Variants in TMEM161B observed in about 807,000 individuals in gnomAD.
TMEM161B encodes transmembrane protein 161B.
Under a neutral mutation model 61.8 loss-of-function variants are expected in TMEM161B, and 34 were observed. The ratio of observed to expected loss-of-function variants is 0.55; its 90% CI spans 0.42 to 0.73. The LOEUF (loss-of-function observed/expected upper bound fraction) is 0.73. Ranked by LOEUF, TMEM161B falls within the 30% of genes least tolerant of loss-of-function variation. The pLI is 0.00. For missense variants in TMEM161B, 456 were observed against 558.5 expected, an observed-to-expected ratio of 0.82 and a Z score of 1.85; for synonymous variants, 167 against 192.8, an observed-to-expected ratio of 0.87 and a Z score of 1.11.
downstream of TMEM161B, among the ~76,000 whole-genome samples, chr5:88,192,251 C>CA (rs887594212): frequency 6.6e-6 from 1 of 150,946 alleles, no homozygotes; most frequent in Non-Finnish European, 1.5e-5. Context: ...GAAAACAAAA[C>CA]AAAAAACAAT....
chr5:88,265,725 ACACTCCCCTC>A (rs1756289928), intron 1 of TMEM161B, among the ~76,000 whole-genome samples: 3 of 151,992 alleles, frequency 2.0e-5, no homozygotes, highest in Admixed American at 6.6e-5. Flanking sequence ...ACTCTTCCCA[ACACTCCCCTC>A]CACTCCCCTC....
At chr5:88,188,545 T>C (rs945890417), downstream of TMEM161B, among the ~76,000 whole-genome samples, 4 of 152,188 alleles carry the variant, frequency 2.6e-5, no homozygotes, top group Non-Finnish European at 5.9e-5. Flanking sequence ...TGGTTAATAT[T>C]GAGTGTCAAC....
chr5:88,198,998 C>A lies in TMEM161B; in HGVS notation c.1067G>T (p.Ser356Ile). 1.2e-6 allele frequency: 2 copies of A among 1,612,190 alleles called. No individual in the cohort carries two copies. The highest frequency in any genetic ancestry group is 1.7e-6 in the Non-Finnish European group (2 of 1,179,204). Residue 356 changes from serine (S) to isoleucine (I), a missense_variant, in exon 10 of 12, where the codon AGC (serine) becomes ATC (isoleucine). Coordinates refer to ENST00000296595, the MANE Select transcript of TMEM161B (RefSeq NM_153354.5). ...DQMKKEAGRI[S>I]TVELQKMVAR... ...TACCATTTTCTGTAGCTCAACCGTGCTTATTCGCCCCGCTTCTTTCTTCAT... is the reference window on the plus strand; with the variant it reads ...TACCATTTTCTGTAGCTCAACCGTGATTATTCGCCCCGCTTCTTTCTTCAT...
At chr5:88,264,906 G>T (rs938711015) in intron 1 of TMEM161B, among the ~76,000 whole-genome samples, 1 of 151,872 alleles carries the variant, frequency 6.6e-6, no homozygotes, top group East Asian at 1.9e-4. Context: ...ACACAGAGGG[G>T]GTAACATCAC....
intron 5 of TMEM161B, among the ~76,000 whole-genome samples, chr5:88,216,482 C>T (rs1023661508): frequency 7.9e-5 from 12 of 152,158 alleles, no homozygotes; most frequent in African/African-American, 2.9e-4. Flanking sequence ...TTAAAATCTG[C>T]TCTTGGAGTT....
At chr5:88,244,341 T>C (rs1753246563) in intron 1 of TMEM161B, among the ~76,000 whole-genome samples, 1 of 151,866 alleles carries the variant, frequency 6.6e-6, no homozygotes, top group Non-Finnish European at 1.5e-5. Flanking sequence ...CTAGCTTTAA[T>C]CATCTGCATA....
chr5:88,196,634 A>C, intron 11 of TMEM161B, 146 bp from the exon 12 acceptor site: 2 of 904,142 alleles, frequency 2.2e-6, no homozygotes, highest in Non-Finnish European at 3.1e-6. Flanking sequence ...TAAAATAATA[A>C]TCCTTCTAGA....
intron 2 of TMEM161B, among the ~76,000 whole-genome samples, chr5:88,239,273 T>C (rs1055177454): frequency 2.6e-5 from 4 of 151,918 alleles, no homozygotes; most frequent in African/African-American, 9.7e-5. Context: ...TGGGACAAGA[T>C]TGTCAAGGTC....
At chr5:88,217,177 A>G (rs1748015436) in intron 5 of TMEM161B, among the ~76,000 whole-genome samples, 1 of 152,192 alleles carries the variant, frequency 6.6e-6, no homozygotes, top group South Asian at 2.1e-4. Context: ...GAAACATTTG[A>G]GCTCAGGAGT....
Position 88,265,285 on chromosome 5 carries a change from T to C in TMEM161B, c.3+3436A>G, listed in dbSNP as rs952933856. 2.6e-5 allele frequency among the ~76,000 whole-genome samples: 4 copies of C among 152,130 alleles called. No individual in the cohort carries two copies. In the East Asian group the frequency reaches 7.7e-4, roughly 29 times the overall value. Reference sequence around the variant, plus strand: ...CCTACTACAGCAGTCCCCAACCTTTTTGGCCCCAGGGACTGGTTTCATGGA... The same window carrying C: ...CCTACTACAGCAGTCCCCAACCTTTCTGGCCCCAGGGACTGGTTTCATGGA... On this transcript the variant is annotated intron_variant, in intron 1 of 11. Coordinates refer to ENST00000296595, the MANE Select transcript of TMEM161B (RefSeq NM_153354.5).
intron 1 of TMEM161B, among the ~76,000 whole-genome samples, chr5:88,257,042 G>T (rs557578330): frequency 6.6e-6 from 1 of 152,270 alleles, no homozygotes; most frequent in South Asian, 2.1e-4. Context: ...TTGGAGGCAG[G>T]CAGATCACTC....
intron 1 of TMEM161B, 80 bp from the exon 2 acceptor site, chr5:88,240,996 T>C (rs1752644923): frequency 1.1e-6 from 1 of 942,746 alleles, no homozygotes; most frequent in Non-Finnish European, 1.5e-6. Flanking sequence ...CTGTACATTT[T>C]GAAAATTACA....
At chr5:88,188,855 G>A (rs1230475250), downstream of TMEM161B, among the ~76,000 whole-genome samples, 1 of 152,154 alleles carries the variant, frequency 6.6e-6, no homozygotes, top group Non-Finnish European at 1.5e-5. Flanking sequence ...TTTAACCTCA[G>A]GCCGGGTCAT....
intron 2 of TMEM161B, among the ~76,000 whole-genome samples, chr5:88,238,229 T>A (rs1354418968): frequency 6.6e-6 from 1 of 151,858 alleles, no homozygotes; most frequent in East Asian, 1.9e-4. Flanking sequence ...AATCCAGAAA[T>A]ATGGAGGGCG....
chr5:88,217,452 T>C (rs564098333), intron 5 of TMEM161B, among the ~76,000 whole-genome samples: 4 of 152,040 alleles, frequency 2.6e-5, no homozygotes, highest in African/African-American at 4.8e-5. Context: ...GAGAAGAAAT[T>C]TGACTTTTTA....
intron 2 of TMEM161B, among the ~76,000 whole-genome samples, chr5:88,231,736 T>C (rs960855319): frequency 2.0e-5 from 3 of 152,246 alleles, no homozygotes; most frequent in Non-Finnish European, 4.4e-5. Flanking sequence ...ATTCTCGTTA[T>C]TCGCGGTAGT....
chr5:88,243,944 C>T (rs1321174720), intron 1 of TMEM161B, among the ~76,000 whole-genome samples: 1 of 151,704 alleles, frequency 6.6e-6, no homozygotes, highest in East Asian at 1.9e-4. Context: ...TGAAAGGTAT[C>T]TGTTCATGTC....
intron 5 of TMEM161B, among the ~76,000 whole-genome samples, chr5:88,209,644 T>C: frequency 6.6e-6 from 1 of 152,208 alleles, no homozygotes; most frequent in East Asian, 1.9e-4. Context: ...TCACTTCATA[T>C]TGCATACTGG....
Position 88,229,099 on chromosome 5 carries a change from T to C in TMEM161B, c.108-571A>G, listed in dbSNP as rs1750551634. ...CCTCAGGTAAGGATCCAACAACTGG[T>C]TGTATCCCTCTCTACCACAGTCAAA... On this transcript the variant is annotated intron_variant, in intron 2 of 11. Coordinates refer to ENST00000296595, the MANE Select transcript of TMEM161B (RefSeq NM_153354.5). 2.0e-5 allele frequency among the ~76,000 whole-genome samples: 3 copies of C among 152,198 alleles called. No individual in the cohort carries two copies. In the South Asian group the frequency reaches 6.2e-4, roughly 32 times the overall value.
Sources: allele counts gnomAD v4.1 joint callset (sites outside exome capture counted in the v4.1 genomes callset), GRCh38; gene constraint gnomAD v4.1.1; transcripts MANE v1.5; gene names NCBI Gene and HGNC (gene_info 2026-07-23, HGNC 2026-07-21).